Variants in IYD observed in about 807,000 individuals in gnomAD.
IYD encodes iodotyrosine deiodinase 1.
A neutral mutation model predicts 28.4 loss-of-function variants in IYD; 25 were observed. That is an observed-to-expected ratio of 0.88 (90% CI 0.64 to 1.23). IYD has a LOEUF of 1.23. IYD is among the 50% of genes most tolerant of loss of function. The probability of loss-of-function intolerance (pLI) is 0.00; values close to 1 mark genes in which losing one functional copy is unlikely to be tolerated. For synonymous variants in IYD, 140 were observed against 130.8 expected, an observed-to-expected ratio of 1.07 and a Z score of -0.48; for missense variants, 352 against 357.9, an observed-to-expected ratio of 0.98 and a Z score of 0.13.
At chr6:150,370,724 G>A (rs551991548) in intron 1 of IYD, 1 of 919,944 alleles carries the variant, frequency 1.1e-6, no homozygotes, top group South Asian at 5.0e-5. Flanking sequence ...GAATGCAGTG[G>A]AAGGCGTGGA....
chr6:150,375,741 G>T (rs1190455020), intron 1 of IYD, among the ~76,000 whole-genome samples: 1 of 152,178 alleles, frequency 6.6e-6, no homozygotes, highest in Non-Finnish European at 1.5e-5. Flanking sequence ...TGGTGAAGCA[G>T]CTGGGAAAGA....
At chr6:150,392,646 C>G (rs2076292) in intron 3 of IYD, 142 bp downstream of exon 3, 2 of 841,142 alleles carry the variant, frequency 2.4e-6, no homozygotes, top group South Asian at 2.9e-5. Context: ...AAGTTAAGTC[C>G]GGGCTCACTC....
At position 150,389,436 on chromosome 6, in the gene IYD, A is replaced by G. The variant is rs1778025485; in HGVS notation, c.263A>G (p.Lys88Arg). ...HNHYPEKEMV[K>R]RSQEFYELLN... ...CACTATCCTGAGAAGGAAATGGTTA[A>G]GAGGTCTCAGGAATTTTATGAACTT... Residue 88 changes from lysine to arginine, a missense_variant, in exon 2 of 5, where the codon AAG becomes AGG. Coordinates refer to ENST00000344419, the MANE Select transcript of IYD (RefSeq NM_203395.3). 1 of 1,613,330 alleles carries G rather than the reference A, an allele frequency of 6.2e-7. No homozygotes were observed.
chr6:150,394,475 GTGT>G (rs772664001), intron 4 of IYD, among the ~76,000 whole-genome samples: 1 of 152,182 alleles, frequency 6.6e-6, no homozygotes, highest in African/African-American at 2.4e-5. Flanking sequence ...AGAAAAATTG[GTGT>G]TGTGTTTGCA....
chr6:150,397,001 T>C (rs1453338489), intron 4 of IYD: 3 of 152,350 alleles, frequency 2.0e-5, no homozygotes, highest in Non-Finnish European at 4.4e-5. Flanking sequence ...AGTTAGGTTT[T>C]TTGATGCATG....
At chr6:150,388,780 C>A (rs1398863337) in intron 1 of IYD, among the ~76,000 whole-genome samples, 1 of 149,646 alleles carries the variant, frequency 6.7e-6, no homozygotes, top group African/African-American at 2.5e-5. Context: ...CGGCTCACTG[C>A]AACTTCTGCC....
chr6:150,397,686 A>G (rs1417645122), intron 4 of IYD, among the ~76,000 whole-genome samples: 2 of 152,078 alleles, frequency 1.3e-5, no homozygotes, highest in Non-Finnish European at 1.5e-5. Flanking sequence ...GTACCAGGAC[A>G]CAGACCAACC....
intron 1 of IYD, among the ~76,000 whole-genome samples, chr6:150,382,458 G>C (rs964156939): frequency 6.6e-6 from 1 of 152,034 alleles, no homozygotes; most frequent in African/African-American, 2.4e-5. Flanking sequence ...AATTTTACTA[G>C]ACAATACTGA....
intron 1 of IYD, among the ~76,000 whole-genome samples, chr6:150,371,712 TA>T (rs1341173538): frequency 6.6e-6 from 1 of 152,222 alleles, no homozygotes; most frequent in African/African-American, 2.4e-5. Context: ...AGGACAGCCT[TA>T]GTGTCGTCCT....
At chr6:150,389,290 C>A in intron 1 of IYD, 62 bp from the exon 2 acceptor site, 1 of 1,261,036 alleles carries the variant, frequency 7.9e-7, no homozygotes, top group Non-Finnish European at 1.2e-6. Context: ...TTCTTCTCCC[C>A]AGCGGTCACC....
chr6:150,384,142 C>T (rs1007356534), intron 1 of IYD, among the ~76,000 whole-genome samples: 1 of 152,132 alleles, frequency 6.6e-6, no homozygotes, highest in Non-Finnish European at 1.5e-5. Flanking sequence ...AAAGTGAGTG[C>T]TGAGCATTTT....
chr6:150,380,180 T>C (rs1490001148), intron 1 of IYD, among the ~76,000 whole-genome samples: 1 of 152,224 alleles, frequency 6.6e-6, no homozygotes, highest in Non-Finnish European at 1.5e-5. Context: ...CTTTACCAAA[T>C]GTAATTTGCA....
At chr6:150,382,463 T>C (rs1777680944) in intron 1 of IYD, among the ~76,000 whole-genome samples, 2 of 152,228 alleles carry the variant, frequency 1.3e-5, no homozygotes, top group East Asian at 1.9e-4. Context: ...TACTAGACAA[T>C]ACTGAGTTTT....
chr6:150,395,023 A>C (rs1046779501), intron 4 of IYD, among the ~76,000 whole-genome samples: 2 of 152,180 alleles, frequency 1.3e-5, no homozygotes, highest in Non-Finnish European at 2.9e-5. Flanking sequence ...GAGTTTTGCC[A>C]TATTGCCTAG....
intron 2 of IYD, among the ~76,000 whole-genome samples, chr6:150,391,313 T>G (rs1157056640): frequency 6.6e-6 from 1 of 152,190 alleles, no homozygotes; most frequent in Non-Finnish European, 1.5e-5. Flanking sequence ...CTCATAGCTT[T>G]GATACAGGGA....
chr6:150,389,059 C>A (rs2115046881), intron 1 of IYD, among the ~76,000 whole-genome samples: 1 of 152,206 alleles, frequency 6.6e-6, no homozygotes, highest in Non-Finnish European at 1.5e-5. Context: ...GGCTAGAGTG[C>A]AGTGGTGTGA....
chr6:150,383,807 AAC>A (rs1393315384), intron 1 of IYD, among the ~76,000 whole-genome samples: 21 of 28,534 alleles, frequency 7.4e-4, no homozygotes, highest in African/African-American at 3.3e-3. Context: ...AAAAAAAAAA[AAC>A]AAAAACAAAA....
In IYD at chr6:150,398,100, C is replaced by G. The variant is rs1778391465; in HGVS notation, c.733C>G (p.Pro245Ala). 6.2e-7 allele frequency: 1 copy of G among 1,614,126 alleles called. No homozygotes were observed. The highest frequency in any genetic ancestry group is 1.6e-4 in the Middle Eastern group (1 of 6,062). Reference sequence around the variant, plus strand: ...CACTACCACTCCTCTCAACTGTGGCCCTCGACTGAGGGTGCTCCTGGGCCG... The same window carrying G: ...CACTACCACTCCTCTCAACTGTGGCGCTCGACTGAGGGTGCTCCTGGGCCG... ...TVTTTPLNCGPRLRVLLGRPA... is the reference protein window; with the variant it reads ...TVTTTPLNCGARLRVLLGRPA... Residue 245 changes from proline to alanine, a missense_variant, in exon 5 of 5, where the codon CCT (proline) becomes GCT (alanine). Pro to Ala is a conservative substitution (Grantham distance 27). Transcript: ENST00000344419.
intron 1 of IYD, among the ~76,000 whole-genome samples, chr6:150,372,761 T>G (rs1210548819): frequency 1.8e-5 from 1 of 54,904 alleles, no homozygotes; most frequent in African/African-American, 9.7e-5. Flanking sequence ...TGTATGTGTG[T>G]GTGGGTGGGG....
Sources: gnomAD v4.1 joint callset for allele counts (sites outside exome capture counted in the v4.1 genomes callset) on GRCh38, gnomAD v4.1.1 for gene constraint, MANE v1.5 for transcripts, NCBI Gene and HGNC (gene_info 2026-07-23, HGNC 2026-07-21) for gene names.